Variants in MACROD2 observed in about 807,000 individuals in gnomAD.
The protein encoded by MACROD2 is ADP-ribose glycohydrolase MACROD2.
Under a neutral mutation model 70.4 loss-of-function variants are expected in MACROD2, and 36 were observed. The ratio of observed to expected loss-of-function variants is 0.51; its 90% CI spans 0.39 to 0.68. The LOEUF is 0.68. Ranked by LOEUF, MACROD2 falls within the 30% of genes least tolerant of loss-of-function variation. MACROD2 has a pLI of 0.00. For synonymous variants in MACROD2, 172 were observed against 178.8 expected (o/e 0.96, Z 0.30); for missense variants, 496 against 538.4 (o/e 0.92, Z 0.78).
intron 9 of MACROD2, among the ~76,000 whole-genome samples, chr20:15,869,796 G>T (rs1201685399): frequency 6.6e-6 from 1 of 151,912 alleles, no homozygotes; most frequent in African/African-American, 2.4e-5. Flanking sequence ...TATATCTCGG[G>T]AACTTCTTGA....
chr20:14,666,054 A>G (rs1471064283), intron 4 of MACROD2, among the ~76,000 whole-genome samples: 1 of 152,136 alleles, frequency 6.6e-6, no homozygotes, highest in African/African-American at 2.4e-5. Flanking sequence ...TACAGGGCCG[A>G]AATTAAAGCA....
intron 10 of MACROD2, among the ~76,000 whole-genome samples, chr20:15,894,565 T>C (rs1041427607): frequency 7.2e-5 from 11 of 152,132 alleles, no homozygotes; most frequent in African/African-American, 2.7e-4. Context: ...CTCCCAGGCT[T>C]ACTGTAAGAA....
intron 8 of MACROD2, among the ~76,000 whole-genome samples, chr20:15,741,092 C>CT (rs397865668): frequency 0.19 from 23,687 of 123,978 alleles, 2,995 homozygotes; most frequent in African/African-American, 0.28. Flanking sequence ...GTTATCATAT[C>CT]TTTTTTTTTT....
In MACROD2 at chr20:14,368,810, A is replaced by G. The variant is rs377552289; in HGVS notation, c.272-124669A>G. On this transcript the variant is annotated intron_variant, in intron 3 of 17. Transcript: ENST00000684519. ...AACAGAAGGCAACAGAGAAGAAACA[A>G]AAGAAAAAGTAAAAACTTTAAAAAT... Among the ~76,000 whole-genome samples the G allele has an allele frequency of 5.3e-5, 8 of 152,366 alleles. No individual in the cohort carries two copies. The East Asian group carries it at 1.3e-3, about 26-fold the overall frequency.
chr20:14,312,141 G>A (rs2082573350), intron 3 of MACROD2, among the ~76,000 whole-genome samples: 1 of 151,832 alleles, frequency 6.6e-6, no homozygotes, highest in African/African-American at 2.4e-5. Context: ...ACTGACTCAG[G>A]GATTCTTAGC....
intron 8 of MACROD2, among the ~76,000 whole-genome samples, chr20:15,561,991 C>G (rs951006794): frequency 6.6e-6 from 1 of 151,996 alleles, no homozygotes; most frequent in Non-Finnish European, 1.5e-5. Flanking sequence ...AAAAATCAGG[C>G]CTGACTTATT....
At chr20:14,581,528 T>C (rs943416690) in intron 4 of MACROD2, among the ~76,000 whole-genome samples, 2 of 152,232 alleles carry the variant, frequency 1.3e-5, no homozygotes, top group Admixed American at 6.5e-5. Context: ...TTTTAAAATA[T>C]CCCTTTTATT....
rs992539547 is a variant in MACROD2 at position 14,044,466 on chromosome 20, A to G, written c.164-41155A>G. On this transcript the variant is annotated intron_variant, in intron 2 of 17. Coordinates refer to ENST00000684519, the MANE Select transcript of MACROD2 (RefSeq NM_001351661.2). ...CGTGGCAGCCTGCTTTTATTCTCTT[A>G]TTTGGCCCCACCCACATCCTGCTGA... 3.3e-5 allele frequency among the ~76,000 whole-genome samples: 5 copies of G among 152,154 alleles called. No homozygotes were observed. The East Asian group carries it at 9.7e-4, about 29-fold the overall frequency.
intron 7 of MACROD2, among the ~76,000 whole-genome samples, chr20:15,477,375 A>G (rs1484292068): frequency 6.6e-6 from 1 of 152,124 alleles, no homozygotes; most frequent in African/African-American, 2.4e-5. Context: ...CTCCATGCCC[A>G]GCCTGGTGTA....
chr20:14,194,253 G>A (rs1056625603), intron 3 of MACROD2, among the ~76,000 whole-genome samples: 1 of 152,152 alleles, frequency 6.6e-6, no homozygotes. Context: ...ACATTGTTGT[G>A]TATCAAGGCA....
At chr20:14,120,988 A>G (rs1335042209) in intron 3 of MACROD2, among the ~76,000 whole-genome samples, 1 of 152,000 alleles carries the variant, frequency 6.6e-6, no homozygotes, top group African/African-American at 2.4e-5. Context: ...TACCTATGTA[A>G]CAAACCTGCA....
At chr20:15,862,636 C>T (rs2064440040) in intron 8 of MACROD2, 109 bp from the exon 9 acceptor site, 1 of 818,572 alleles carries the variant, frequency 1.2e-6, no homozygotes, top group Non-Finnish European at 2.0e-6. Context: ...CAGTATAGAA[C>T]CAAAAATCTG....
In MACROD2 at chr20:14,039,433, T is replaced by C. The variant is rs535029290; in HGVS notation, c.163+37029T>C. The stretch of plus-strand genomic sequence containing the variant: ...AAGGCACGTCTTGTTTTAAATCTTA[T>C]GTTTTATTTTTTTCTTTAATCTTAA... On this transcript the variant is annotated intron_variant, in intron 2 of 17. Coordinates refer to ENST00000684519, the MANE Select transcript of MACROD2 (RefSeq NM_001351661.2). 3.9e-5 allele frequency among the ~76,000 whole-genome samples: 6 copies of C among 152,282 alleles called. No individual in the cohort carries two copies. In the South Asian group the frequency reaches 1.0e-3, roughly 26 times the overall value.
At chr20:15,145,334 C>G (rs1485427727) in intron 5 of MACROD2, among the ~76,000 whole-genome samples, 1 of 151,914 alleles carries the variant, frequency 6.6e-6, no homozygotes. Context: ...AATTGAAGTT[C>G]ATCAGGGAGT....
In MACROD2 at chr20:15,547,378, A is replaced by G. The variant is rs189983352; in HGVS notation, c.645+47531A>G. On this transcript the variant is annotated intron_variant, in intron 8 of 17. Coordinates refer to ENST00000684519, the MANE Select transcript of MACROD2 (RefSeq NM_001351661.2). ...AAATGTAGCGGTACTAGCTGTTCTT[A>G]TCTCATAATATGCCTATCGCCATCA... is the stretch of plus-strand genomic sequence containing the variant. Among the ~76,000 whole-genome samples, 855 of 152,250 alleles carry G rather than the reference A, an allele frequency of 5.6e-3. 10 individuals carry two copies. Among genetic ancestry groups the G allele is most frequent in the African/African-American group, 0.02 (825 of 41,538 alleles).
At chr20:14,408,631 G>A (rs1387391009) in intron 3 of MACROD2, among the ~76,000 whole-genome samples, 1 of 152,266 alleles carries the variant, frequency 6.6e-6, no homozygotes, top group East Asian at 1.9e-4. Flanking sequence ...AAACATGGGT[G>A]GACCCAAAGA....
chr20:15,368,734 A>G (rs1351542324), intron 6 of MACROD2, among the ~76,000 whole-genome samples: 1 of 152,096 alleles, frequency 6.6e-6, no homozygotes, highest in African/African-American at 2.4e-5. Flanking sequence ...AAATGCTGGG[A>G]TTACAGGCGT....
chr20:14,670,846 T>C (rs901714741), intron 4 of MACROD2, among the ~76,000 whole-genome samples: 3 of 152,256 alleles, frequency 2.0e-5, no homozygotes, highest in African/African-American at 7.2e-5. Context: ...AGCACGCCCA[T>C]GTTGACTAGA....
At chr20:15,297,082 G>A (rs2049931068) in intron 6 of MACROD2, among the ~76,000 whole-genome samples, 1 of 152,200 alleles carries the variant, frequency 6.6e-6, no homozygotes, top group African/African-American at 2.4e-5. Flanking sequence ...ACAGGAGAAA[G>A]GATCCATGAT....
Sources: gnomAD v4.1 joint callset for allele counts (sites outside exome capture counted in the v4.1 genomes callset) on GRCh38, gnomAD v4.1.1 for gene constraint, MANE v1.5 for transcripts, NCBI Gene and HGNC (gene_info 2026-07-23, HGNC 2026-07-21) for gene names.